Variants in MANBAL observed in about 807,000 individuals in gnomAD.
The protein encoded by MANBAL is protein MANBAL.
In MANBAL, 1 loss-of-function variant was observed where a neutral mutation model predicts 6.4. The ratio of observed to expected loss-of-function variants is 0.16; its 90% CI spans 0.06 to 0.74. MANBAL has a LOEUF of 0.74. Among genes scored for constraint, MANBAL ranks in the 30% least tolerant of loss-of-function variants. The probability of loss-of-function intolerance (pLI) is 0.78; values close to 1 mark genes in which losing one functional copy is unlikely to be tolerated. For synonymous variants in MANBAL, 47 were observed against 45.8 expected, an observed-to-expected ratio of 1.03 and a Z score of -0.10; for missense variants, 100 against 107.8, an observed-to-expected ratio of 0.93 and a Z score of 0.32.
intron 1 of MANBAL, among the ~76,000 whole-genome samples, chr20:37,299,920 T>TG (rs900363300): frequency 6.6e-6 from 1 of 151,854 alleles, no homozygotes; most frequent in Non-Finnish European, 1.5e-5. Context: ...ATATTAGGAG[T>TG]GGGGGCCCTG....
chr20:37,290,438 T>TAAC (rs2068840289), intron 1 of MANBAL, among the ~76,000 whole-genome samples: 1 of 145,406 alleles, frequency 6.9e-6, no homozygotes, highest in Non-Finnish European at 1.6e-5. Context: ...TTCTTTTTCT[T>TAAC]TCCTTTTTTT....
chr20:37,298,798 C>T (rs901589420), intron 1 of MANBAL: 2 of 151,786 alleles, frequency 1.3e-5, no homozygotes, highest in African/African-American at 4.8e-5. Flanking sequence ...GGCGCAATCA[C>T]GACTCATTGG....
At position 37,296,315 on chromosome 20, in the gene MANBAL, T is replaced by C. The variant is rs10485476; in HGVS notation, c.-56-4893T>C. ...GCATAGATTTTTCTTAGATACTTTA[T>C]TGTTTCATAACATTCCAAAAAATTA... On this transcript the variant is annotated intron_variant, in intron 1 of 2. Transcript: ENST00000373606. Among the ~76,000 whole-genome samples the C allele has an allele frequency of 7.7e-3, 1,168 of 152,342 alleles. 10 individuals are homozygous for C. The highest frequency in any genetic ancestry group is 0.027 in the African/African-American group (1,120 of 41,578).
chr20:37,309,464 A>G (rs1435422563), intron 2 of MANBAL, among the ~76,000 whole-genome samples: 1 of 152,160 alleles, frequency 6.6e-6, no homozygotes, highest in East Asian at 1.9e-4. Flanking sequence ...GGGAAAGGGC[A>G]GGGTCCCCAT....
intron 2 of MANBAL, among the ~76,000 whole-genome samples, chr20:37,312,789 G>T (rs1221879078): frequency 6.6e-6 from 1 of 152,198 alleles, no homozygotes; most frequent in Non-Finnish European, 1.5e-5. Context: ...GGGAGGACAA[G>T]CATGTGCCAC....
intron 2 of MANBAL, among the ~76,000 whole-genome samples, chr20:37,311,446 G>C (rs2069385081): frequency 6.6e-6 from 1 of 152,146 alleles, no homozygotes; most frequent in Non-Finnish European, 1.5e-5. Context: ...GACACGATTG[G>C]GATTGTTGTT....
intron 2 of MANBAL, among the ~76,000 whole-genome samples, chr20:37,305,707 T>C (rs111508489): frequency 0.015 from 2,189 of 150,962 alleles, 24 homozygotes; most frequent in Middle Eastern, 0.048. Flanking sequence ...AGCTTTTCAA[T>C]GGATCAGTAG....
Position 37,295,705 on chromosome 20 carries a change from A to G in MANBAL, c.-56-5503A>G, listed in dbSNP as rs1014744271. Among the ~76,000 whole-genome samples the G allele has an allele frequency of 2.0e-5, 3 of 152,264 alleles. No individual in the cohort carries two copies. The South Asian group carries it at 6.2e-4, about 32-fold the overall frequency. On this transcript the variant is annotated intron_variant, in intron 1 of 2. Coordinates refer to ENST00000373606, the MANE Select transcript of MANBAL (RefSeq NM_001003897.2). ...TCCAAGCCTTGGTTTCCTCATCCTCATTAGTAATACCACCTCCCAGTGTGG... is the reference window on the plus strand; with the variant it reads ...TCCAAGCCTTGGTTTCCTCATCCTCGTTAGTAATACCACCTCCCAGTGTGG...
chr20:37,305,109 AAGG>A (rs1469649385), intron 2 of MANBAL, among the ~76,000 whole-genome samples: 1 of 152,122 alleles, frequency 6.6e-6, no homozygotes, highest in Non-Finnish European at 1.5e-5. Context: ...GTATCTTGAG[AAGG>A]AGATCACTAT....
chr20:37,293,790 C>G (rs2068927317), intron 1 of MANBAL, among the ~76,000 whole-genome samples: 1 of 152,220 alleles, frequency 6.6e-6, no homozygotes, highest in African/African-American at 2.4e-5. Context: ...TGTGTACGTG[C>G]AGTTCCTTTT....
intron 1 of MANBAL, among the ~76,000 whole-genome samples, chr20:37,293,047 A>G (rs112475861): frequency 5.9e-5 from 9 of 152,038 alleles, no homozygotes; most frequent in African/African-American, 1.4e-4. Flanking sequence ...CTGATGTCCA[A>G]CTCTTATCCA....
intron 2 of MANBAL, among the ~76,000 whole-genome samples, chr20:37,308,248 G>C (rs1342982297): frequency 1.3e-5 from 2 of 152,160 alleles, no homozygotes; most frequent in Non-Finnish European, 2.9e-5. Context: ...GTGAGGATGG[G>C]AAGGTCCATT....
intron 2 of MANBAL, among the ~76,000 whole-genome samples, chr20:37,315,732 C>T (rs982900045): frequency 6.6e-6 from 1 of 152,232 alleles, no homozygotes; most frequent in Non-Finnish European, 1.5e-5. Context: ...GACTGCCCAC[C>T]TGCCGGCTGG....
Position 37,301,185 on chromosome 20 carries a change from CACTG to C in MANBAL, c.-56-20_-56-17del, listed in dbSNP as rs1328326139. ...ATAAATGTCAGTTACAGAAATATGA[CACTG>C]ACCCTTTGCATTTACAAGTTGGTTC... On this transcript the variant is annotated intron_variant, in intron 1 of 2. Transcript: ENST00000373606. 14 of 1,247,812 alleles carry C rather than the reference CACTG, an allele frequency of 1.1e-5. No individual in the cohort carries two copies. Among genetic ancestry groups the C allele is most frequent in the Non-Finnish European group, 1.5e-5 (14 of 939,330 alleles). 77.3% of individuals were successfully genotyped at this position (1,247,812 alleles called of 1,614,324 possible).
intron 2 of MANBAL, among the ~76,000 whole-genome samples, chr20:37,311,940 G>C (rs577868085): frequency 6.6e-6 from 1 of 152,372 alleles, no homozygotes; most frequent in East Asian, 1.9e-4. Context: ...GGGCAGTGGA[G>C]TGTGTCCAGA....
chr20:37,301,469 A>ACT, intron 2 of MANBAL, 56 bp downstream of exon 2: 1 of 1,584,512 alleles, frequency 6.3e-7, no homozygotes, highest in South Asian at 1.1e-5. Context: ...GGTTCTGAGT[A>ACT]CTAACAGTAG....
intron 1 of MANBAL, among the ~76,000 whole-genome samples, chr20:37,300,272 C>G (rs1230798925): frequency 2.6e-5 from 4 of 152,192 alleles, no homozygotes; most frequent in Non-Finnish European, 5.9e-5. Context: ...ATTTCCCCAC[C>G]CTGGGGCCTC....
chr20:37,315,851 G>A lies in MANBAL; in HGVS notation c.151-457G>A, dbSNP rs535431253. 6.6e-5 allele frequency among the ~76,000 whole-genome samples: 10 copies of A among 152,366 alleles called. No homozygotes were observed. The East Asian group carries it at 1.2e-3, about 18-fold the overall frequency. ...GGGTCTGCCCCATAGCCAGCTCCTC[G>A]CCCACATTTTGTCCAGTCCCTGGCA... On this transcript the variant is annotated intron_variant, in intron 2 of 2. Transcript: ENST00000373606.
Position 37,306,777 on chromosome 20 carries a change from G to C in MANBAL, c.150+5364G>C, listed in dbSNP as rs531958787. On this transcript the variant is annotated intron_variant, in intron 2 of 2. Transcript: ENST00000373606. ...TGGGGGCTGCTGCTTTGCTCTGGAG[G>C]AAAGAAATTGATCAATGATGTCTGT... Among the ~76,000 whole-genome samples the C allele has an allele frequency of 2.0e-5, 3 of 152,268 alleles. No individual in the cohort carries two copies. The South Asian group carries it at 6.2e-4, about 32-fold the overall frequency.
Sources: gnomAD v4.1 joint callset for allele counts (sites outside exome capture counted in the v4.1 genomes callset) on GRCh38, gnomAD v4.1.1 for gene constraint, MANE v1.5 for transcripts, NCBI Gene and HGNC (gene_info 2026-07-23, HGNC 2026-07-21) for gene names.